The following PRELID2 variants were observed in gnomAD, a reference collection of about 807,000 sequenced individuals.
PRELID2 encodes the protein PRELI domain containing 2, also known as PRELI domain-containing protein 2.
PRELID2 carries 25 observed loss-of-function variants against 28.4 expected under a neutral mutation model. The observed-to-expected ratio is 0.88, with a 90% confidence interval of 0.64 to 1.23. The LOEUF is 1.23. Among genes scored for constraint, PRELID2 ranks in the 50% most tolerant of loss-of-function variants. The pLI is 0.00. For missense variants in PRELID2, 201 were observed against 214.4 expected (o/e 0.94, Z 0.39); for synonymous variants, 76 against 71.6 (o/e 1.06, Z -0.31).
chr5:145,309,347 A>C, the PRELID2 span, among the ~76,000 whole-genome samples: 1 of 152,126 alleles, frequency 6.6e-6, no homozygotes, highest in East Asian at 1.9e-4. Flanking sequence ...AAATGATATG[A>C]GCAAAGGCAC....
intron 1 of PRELID2, among the ~76,000 whole-genome samples, chr5:145,557,047 CA>C (rs1752885485): frequency 6.6e-6 from 1 of 152,158 alleles, no homozygotes; most frequent in South Asian, 2.1e-4. Flanking sequence ...ATAATCTAAT[CA>C]TCTAATAATT....
intron 3 of PRELID2, chr5:145,819,501 G>T: frequency 1.2e-6 from 1 of 831,640 alleles, no homozygotes; most frequent in Non-Finnish European, 2.0e-6. Flanking sequence ...GACTTACAGA[G>T]GGTGTGGAGA....
chr5:145,633,400 C>A (rs1456276212), intron 1 of PRELID2, among the ~76,000 whole-genome samples: 1 of 152,198 alleles, frequency 6.6e-6, no homozygotes, highest in African/African-American at 2.4e-5. Context: ...TTCCCCAGGT[C>A]TAAGGTCTGA....
intron 1 of PRELID2, among the ~76,000 whole-genome samples, chr5:145,596,898 C>A (rs6884965): frequency 0.12 from 18,502 of 152,028 alleles, 3,133 homozygotes; most frequent in African/African-American, 0.38. Flanking sequence ...AATGGCTTGT[C>A]CTGATTTGAC....
At chr5:145,777,731 G>A (rs1456179094) in intron 5 of PRELID2, among the ~76,000 whole-genome samples, 1 of 152,120 alleles carries the variant, frequency 6.6e-6, no homozygotes, top group Non-Finnish European at 1.5e-5. Flanking sequence ...CCTGCTCCAC[G>A]GAGCAGGTAG....
intron 1 of PRELID2, among the ~76,000 whole-genome samples, chr5:145,826,868 C>G (rs963931535): frequency 6.6e-6 from 1 of 151,974 alleles, no homozygotes; most frequent in African/African-American, 2.4e-5. Context: ...AAAAAAAAAC[C>G]CATAAGCTTT....
the PRELID2 span, among the ~76,000 whole-genome samples, chr5:145,386,163 C>T: frequency 1.3e-5 from 2 of 151,966 alleles, no homozygotes; most frequent in Admixed American, 6.6e-5. Context: ...TTCTTCTTCA[C>T]GTGGTGGCAG....
intron 1 of PRELID2, among the ~76,000 whole-genome samples, chr5:145,526,528 TG>T (rs1000039751): frequency 1.3e-5 from 2 of 152,134 alleles, no homozygotes; most frequent in East Asian, 1.9e-4. Context: ...CAGGCTAAGA[TG>T]GGACTTGGTC....
the PRELID2 span, among the ~76,000 whole-genome samples, chr5:145,231,529 A>G: frequency 6.6e-6 from 1 of 152,208 alleles, no homozygotes; most frequent in African/African-American, 2.4e-5. Context: ...CTGCACTGGC[A>G]ATTTCAGGAC....
intron 1 of PRELID2, among the ~76,000 whole-genome samples, chr5:145,521,942 A>G (rs111244405): frequency 0.026 from 4,026 of 152,240 alleles, 185 homozygotes; most frequent in African/African-American, 0.09. Flanking sequence ...AACATCATTC[A>G]ATTTATGTTC....
intron 1 of PRELID2, among the ~76,000 whole-genome samples, chr5:145,724,750 T>A (rs1004716570): frequency 7.1e-6 from 1 of 141,844 alleles, no homozygotes; most frequent in African/African-American, 2.6e-5. Context: ...ATATTATATA[T>A]TATATATATA....
At chr5:145,658,909 G>A (rs1754440200) in intron 1 of PRELID2, among the ~76,000 whole-genome samples, 1 of 152,188 alleles carries the variant, frequency 6.6e-6, no homozygotes, top group African/African-American at 2.4e-5. Context: ...TGGAAAGGGG[G>A]AACTTTAGGT....
chr5:145,582,742 C>T (rs1464964891), intron 1 of PRELID2, among the ~76,000 whole-genome samples: 1 of 151,966 alleles, frequency 6.6e-6, no homozygotes, highest in Non-Finnish European at 1.5e-5. Flanking sequence ...CAAGACTGAA[C>T]CAGGAAGAAA....
At chr5:145,298,066 T>C in the PRELID2 span, among the ~76,000 whole-genome samples, 1 of 152,128 alleles carries the variant, frequency 6.6e-6, no homozygotes, top group African/African-American at 2.4e-5. Context: ...ATAGATTCAA[T>C]GCCATCCCCA....
the PRELID2 span, among the ~76,000 whole-genome samples, chr5:145,298,534 G>A: frequency 6.6e-6 from 1 of 152,052 alleles, no homozygotes; most frequent in East Asian, 1.9e-4. Flanking sequence ...GAGGCAATTG[G>A]GCCTTGAAGG....
the PRELID2 span, among the ~76,000 whole-genome samples, chr5:145,443,941 A>G: frequency 6.6e-6 from 1 of 152,140 alleles, no homozygotes; most frequent in Non-Finnish European, 1.5e-5. Flanking sequence ...TCTTTGAACT[A>G]AGGAAACTGT....
At chr5:145,525,554 T>G (rs1014289195) in intron 1 of PRELID2, among the ~76,000 whole-genome samples, 1 of 152,172 alleles carries the variant, frequency 6.6e-6, no homozygotes, top group Non-Finnish European at 1.5e-5. Flanking sequence ...TGGACTTGAT[T>G]GCACAGTCTC....
chr5:145,457,199 T>A, the PRELID2 span, among the ~76,000 whole-genome samples: 1 of 152,160 alleles, frequency 6.6e-6, no homozygotes, highest in African/African-American at 2.4e-5. Context: ...CAAGTTTACA[T>A]GTCACTTACT....
At chr5:145,513,291 C>A (rs1199753221) in intron 1 of PRELID2, among the ~76,000 whole-genome samples, 2 of 151,486 alleles carry the variant, frequency 1.3e-5, no homozygotes, top group African/African-American at 4.8e-5. Flanking sequence ...GAAAAAAACA[C>A]AAATGACCTG....
Sources: gnomAD v4.1 joint callset for allele counts (sites outside exome capture counted in the v4.1 genomes callset) on GRCh38, gnomAD v4.1.1 for gene constraint, MANE v1.5 for transcripts, NCBI Gene and HGNC (gene_info 2026-07-23, HGNC 2026-07-21) for gene names.